Variants in HMGCS2 observed in about 807,000 individuals in gnomAD.
The protein encoded by HMGCS2 is hydroxymethylglutaryl-CoA synthase, mitochondrial.
HMGCS2 carries 50 observed loss-of-function variants against 57.4 expected under a neutral mutation model. The observed-to-expected ratio is 0.87, with a 90% CI of 0.69 to 1.10. The LOEUF is 1.10. HMGCS2 is among the 50% of genes least tolerant of loss of function. The pLI is 0.00. For synonymous variants in HMGCS2, 254 were observed against 245.1 expected (o/e 1.04, Z -0.34); for missense variants, 627 against 636.5 (o/e 0.99, Z 0.16).
At chr1:119,766,995 C>T (rs1295284323) in intron 1 of HMGCS2, among the ~76,000 whole-genome samples, 8 of 152,090 alleles carry the variant, frequency 5.3e-5, no homozygotes, top group Non-Finnish European at 1.2e-4. Context: ...TGGTGTTGCC[C>T]ACTTCAAGAA....
At chr1:119,753,224 G>A (rs1178456234) in intron 7 of HMGCS2, 56 bp downstream of exon 7, 1 of 1,036,762 alleles carries the variant, frequency 9.6e-7, no homozygotes, top group Non-Finnish European at 1.5e-6. Context: ...GGAAGAAGAT[G>A]GTTATTCTAC....
At chr1:119,766,623 A>T (rs1176668421) in intron 1 of HMGCS2, among the ~76,000 whole-genome samples, 1 of 152,188 alleles carries the variant, frequency 6.6e-6, no homozygotes, top group Admixed American at 6.5e-5. Context: ...TGTACTCTCA[A>T]ATATTTACGG....
chr1:119,764,550 C>T lies in HMGCS2; in HGVS notation c.181G>A (p.Val61Ile). ...PKDVGILALE[V>I]YFPAQYVDQT... ...TCCACATATTGGGCTGGGAAGTAGA[C>T]CTCCAGGGCCAGGATGCCCACGTCC... The change falls in exon 2 of 10, where the codon GTC (valine) becomes ATC (isoleucine). Residue 61 changes from valine (V) to isoleucine (I), a missense_variant. Physicochemically the swap from Val to Ile is conservative, Grantham distance 29. Transcript: ENST00000369406. 6.2e-7 allele frequency: 1 copy of T among 1,614,172 alleles called. No individual in the cohort carries two copies. The highest frequency in any genetic ancestry group is 1.3e-5 in the African/African-American group (1 of 75,054).
chr1:119,755,990 C>T (rs1291746663), intron 5 of HMGCS2, among the ~76,000 whole-genome samples: 1 of 152,060 alleles, frequency 6.6e-6, no homozygotes, highest in Non-Finnish European at 1.5e-5. Context: ...GCACTTTAAC[C>T]CATCTTCCTG....
At chr1:119,757,779 G>A (rs1234313034) in intron 4 of HMGCS2, among the ~76,000 whole-genome samples, 2 of 152,136 alleles carry the variant, frequency 1.3e-5, no homozygotes, top group Admixed American at 1.3e-4. Flanking sequence ...GAAAAGGCTG[G>A]CTTTGGATTC....
chr1:119,761,246 A>G (rs1653027851), intron 2 of HMGCS2, among the ~76,000 whole-genome samples: 1 of 149,254 alleles, frequency 6.7e-6, no homozygotes, highest in Non-Finnish European at 1.5e-5. Context: ...AGGGAAAACA[A>G]TACTTTTTTC....
chr1:119,753,211 TG>T, intron 7 of HMGCS2, 68 bp downstream of exon 7: 2 of 922,900 alleles, frequency 2.2e-6, no homozygotes, highest in Non-Finnish European at 3.6e-6. Context: ...TCAGTAATGG[TG>T]GGGAAGAAGA....
At position 119,764,384 on chromosome 1, in the gene HMGCS2, CG is replaced by C; in HGVS notation, c.346del (p.Arg116AlafsTer14). ...CLTVVQRLME[R>X]IQLPWDSVGR... ...CACAGAGTCCCATGGGAGCTGTATG[CG>C]CTCCATCAGCCGTTGCACCACCGTC... On this transcript the variant is annotated frameshift_variant, in exon 2 of 10. Coordinates refer to ENST00000369406, the MANE Select transcript of HMGCS2 (RefSeq NM_005518.4). LOFTEE classifies it high-confidence loss of function. 6.2e-7 allele frequency: 1 copy of C among 1,614,158 alleles called. No individual in the cohort carries two copies. Among genetic ancestry groups the C allele is most frequent in the Non-Finnish European group, 8.5e-7 (1 of 1,180,002 alleles).
chr1:119,767,573 G>T (rs74115092), intron 1 of HMGCS2, among the ~76,000 whole-genome samples: 124 of 152,296 alleles, frequency 8.1e-4, no homozygotes, highest in African/African-American at 2.7e-3. Context: ...GAGCCAATGT[G>T]GGTTGGATTA....
chr1:119,764,656 C>G (rs371588866), intron 1 of HMGCS2, 30 bp from the exon 2 acceptor site: 2 of 1,512,844 alleles, frequency 1.3e-6, no homozygotes, highest in Non-Finnish European at 1.8e-6. Flanking sequence ...CAAACTCCCA[C>G]TAATGGTCTG....
intron 5 of HMGCS2, 25 bp from the exon 6 acceptor site, chr1:119,755,622 T>A (rs1652811807): frequency 1.2e-6 from 2 of 1,613,118 alleles, no homozygotes; most frequent in Admixed American, 1.7e-5. Flanking sequence ...GAGGTAGCCA[T>A]GTGAGAGGCC....
intron 8 of HMGCS2, among the ~76,000 whole-genome samples, chr1:119,752,317 T>C (rs1025573399): frequency 2.0e-5 from 3 of 152,204 alleles, no homozygotes; most frequent in African/African-American, 7.2e-5. Context: ...GGTGTTTAGC[T>C]ATATTCTATA....
Position 119,757,272 on chromosome 1 carries a change from C to A in HMGCS2, c.1016+1G>T. On this transcript the variant is annotated splice_donor_variant, in intron 5 of 9. Coordinates refer to ENST00000369406, the MANE Select transcript of HMGCS2 (RefSeq NM_005518.4). LOFTEE classifies it high-confidence loss of function. The stretch of plus-strand genomic sequence containing the variant: ...CTAGGCTCCCCAAGAAGAGAACTCA[C>A]CCGAAAGCCTCCAGCCCCTTATATA... The A allele has an allele frequency of 6.2e-7, 1 of 1,614,130 alleles. No homozygotes were observed. Among genetic ancestry groups the A allele is most frequent in the East Asian group, 2.2e-5 (1 of 44,880 alleles).
In HMGCS2 at chr1:119,755,454, T is replaced by C; in HGVS notation, c.1160A>G (p.Tyr387Cys). 1 of 1,614,174 alleles carries C rather than the reference T, an allele frequency of 6.2e-7. No homozygotes were observed. Among genetic ancestry groups the C allele is most frequent in the Non-Finnish European group, 8.5e-7 (1 of 1,180,022 alleles). Residue 387 changes from tyrosine to cysteine, a missense_variant, in exon 6 of 10, where the codon TAC becomes TGC. Transcript: ENST00000369406. The part of the protein sequence containing the change: ...HNGNMYTSSL[Y>C]GCLASLLSHH... Reference sequence around the variant, plus strand: ...GGACAGAAGCGAGGCCAGGCACCCGTACAGGGATGAGGTGTACATGTTCCC... The same window carrying C: ...GGACAGAAGCGAGGCCAGGCACCCGCACAGGGATGAGGTGTACATGTTCCC...
chr1:119,754,559 A>G (rs989748652), intron 6 of HMGCS2, among the ~76,000 whole-genome samples: 4 of 152,162 alleles, frequency 2.6e-5, no homozygotes, highest in Admixed American at 2.6e-4. Flanking sequence ...AATGAATAGA[A>G]ATAACATCCA....
intron 2 of HMGCS2, among the ~76,000 whole-genome samples, chr1:119,763,537 C>T (rs1344163890): frequency 6.6e-6 from 1 of 152,196 alleles, no homozygotes; most frequent in Non-Finnish European, 1.5e-5. Flanking sequence ...TTCAAGCTCT[C>T]ATACTGTACT....
At chr1:119,762,127 A>G (rs916536127) in intron 2 of HMGCS2, among the ~76,000 whole-genome samples, 15 of 152,242 alleles carry the variant, frequency 9.9e-5, no homozygotes, top group African/African-American at 3.6e-4. Flanking sequence ...ATATCCATCA[A>G]TATGGGATTA....
intron 5 of HMGCS2, 116 bp downstream of exon 5, chr1:119,757,157 G>A (rs1652867943): frequency 6.5e-7 from 1 of 1,539,382 alleles, no homozygotes; most frequent in Admixed American, 1.7e-5. Flanking sequence ...CTGTTCTGCT[G>A]GAGGATTGCC....
At chr1:119,749,392 C>A (rs1306148917) in intron 9 of HMGCS2, among the ~76,000 whole-genome samples, 7 of 128,142 alleles carry the variant, frequency 5.5e-5, no homozygotes, top group Admixed American at 1.6e-4. Flanking sequence ...CTCTCCCTTT[C>A]CCCCCTCCCT....
Sources: allele counts gnomAD v4.1 joint callset (sites outside exome capture counted in the v4.1 genomes callset), GRCh38; gene constraint gnomAD v4.1.1; transcripts MANE v1.5; gene names NCBI Gene and HGNC (gene_info 2026-07-23, HGNC 2026-07-21).